The following SRGAP2C variants were observed in gnomAD, a reference collection of about 807,000 sequenced individuals.
The protein encoded by SRGAP2C is SLIT-ROBO Rho GTPase-activating protein 2C.
SRGAP2C carries 15 observed loss-of-function variants against 25.1 expected under a neutral mutation model. That is an observed-to-expected ratio of 0.60 (90% CI 0.40 to 0.92). SRGAP2C has a LOEUF of 0.92. Ranked by LOEUF, SRGAP2C falls within the 40% of genes least tolerant of loss-of-function variation. The probability of loss-of-function intolerance (pLI) is 0.00; values close to 1 mark genes in which losing one functional copy is unlikely to be tolerated. For missense variants in SRGAP2C, 144 were observed against 264.4 expected, an observed-to-expected ratio of 0.54 and a Z score of 3.16; for synonymous variants, 44 against 96.6, an observed-to-expected ratio of 0.46 and a Z score of 3.19.
intron 3 of SRGAP2C, among the ~76,000 whole-genome samples, chr1:121,308,104 T>C (rs1657885500): frequency 6.8e-6 from 1 of 147,300 alleles, no homozygotes. Flanking sequence ...GCTCTGAGCA[T>C]TGTCCATTAA....
chr1:121,309,560 C>A (rs1287578810), intron 3 of SRGAP2C, among the ~76,000 whole-genome samples: 1 of 151,654 alleles, frequency 6.6e-6, no homozygotes, highest in Admixed American at 6.6e-5. Flanking sequence ...TCTCCCAATG[C>A]TATCCCTCCC....
chr1:121,383,413 C>T (rs1348492523), intron 8 of SRGAP2C, among the ~76,000 whole-genome samples: 2 of 152,022 alleles, frequency 1.3e-5, no homozygotes, highest in Non-Finnish European at 2.9e-5. Flanking sequence ...ATGCTGTGAT[C>T]TTTTGGCGTT....
chr1:121,360,835 T>A (rs587703403), intron 4 of SRGAP2C: 5 of 151,522 alleles, frequency 3.3e-5, no homozygotes, highest in Admixed American at 2.0e-4. Flanking sequence ...ATCTGTAACA[T>A]AAATTCAGTT....
rs1168458130 is a variant in SRGAP2C, at chr1:121,299,370, G to GA, written c.260+14384dup. 1.7e-4 allele frequency among the ~76,000 whole-genome samples: 24 copies of GA among 141,816 alleles called. No homozygotes were observed. The East Asian group carries it at 2.3e-3, about 14-fold the overall frequency. 93.0% of individuals were successfully genotyped at this position (141,816 alleles called of 152,430 possible). ...TGTTAACGAAAGATTTAGAGAGAAT[G>GA]AAAAAAAAAGTAGGATTTGGGTTTT... On this transcript the variant is annotated intron_variant, in intron 3 of 9. Coordinates refer to ENST00000367123, the MANE Select transcript of SRGAP2C (RefSeq NM_001329984.2).
intron 2 of SRGAP2C, among the ~76,000 whole-genome samples, chr1:121,267,369 T>G (rs4844810): frequency 6.6e-6 from 1 of 151,294 alleles, no homozygotes; most frequent in Non-Finnish European, 1.5e-5. Context: ...TTTTTGTATT[T>G]TTAGTAGAGA....
At chr1:121,351,708 A>G (rs1407305935) in intron 4 of SRGAP2C, among the ~76,000 whole-genome samples, 5 of 149,704 alleles carry the variant, frequency 3.3e-5, no homozygotes, top group Non-Finnish European at 7.4e-5. Flanking sequence ...ACAAACTTAA[A>G]CAAAGTATGG....
chr1:121,212,123 ATT>A (rs60785126), intron 2 of SRGAP2C, among the ~76,000 whole-genome samples: 2,070 of 61,922 alleles, frequency 0.033, 22 homozygotes, highest in African/African-American at 0.14. Flanking sequence ...ATGGAGCTGT[ATT>A]TTTTTTTTTT....
intron 2 of SRGAP2C, among the ~76,000 whole-genome samples, chr1:121,202,300 C>T (rs1570700739): frequency 6.6e-6 from 1 of 152,230 alleles, no homozygotes; most frequent in Non-Finnish European, 1.5e-5. Context: ...CTTATAGCTA[C>T]TGGAGTCTTC....
Position 121,376,067 on chromosome 1 carries a change from G to T in SRGAP2C, c.831+1113G>T, listed in dbSNP as rs587743618. 2.7e-3 allele frequency among the ~76,000 whole-genome samples: 246 copies of T among 91,022 alleles called. 2 individuals are homozygous for T. The highest frequency in any genetic ancestry group is 0.01 in the African/African-American group (228 of 22,068). 59.7% of individuals were successfully genotyped at this position (91,022 alleles called of 152,430 possible). ...GTTTTTCCTGCTGCTTCCCCTTACA[G>T]TTGGGTCTTACAAGCCCTCTCACCT... On this transcript the variant is annotated intron_variant, in intron 7 of 9. Coordinates refer to ENST00000367123, the MANE Select transcript of SRGAP2C (RefSeq NM_001329984.2).
chr1:121,289,247 C>T (rs1176802993), intron 3 of SRGAP2C, among the ~76,000 whole-genome samples: 1 of 149,914 alleles, frequency 6.7e-6, no homozygotes, highest in African/African-American at 2.5e-5. Context: ...TGAGCCCTGC[C>T]CCGCGGGAAG....
intron 2 of SRGAP2C, among the ~76,000 whole-genome samples, chr1:121,208,822 GA>G (rs1433505071): frequency 6.6e-6 from 1 of 152,194 alleles, no homozygotes; most frequent in African/African-American, 2.4e-5. Flanking sequence ...CGGTTAGAGA[GA>G]TTTTTTGAAA....
intron 3 of SRGAP2C, among the ~76,000 whole-genome samples, chr1:121,312,395 T>G (rs1657985414): frequency 3.0e-5 from 1 of 33,500 alleles, no homozygotes; most frequent in East Asian, 1.9e-3. Context: ...TCATTGATTT[T>G]TTGAAGGGTT....
At chr1:121,207,523 A>G (rs1655145308) in intron 2 of SRGAP2C, among the ~76,000 whole-genome samples, 2 of 152,094 alleles carry the variant, frequency 1.3e-5, no homozygotes, top group Non-Finnish European at 2.9e-5. Context: ...TCAGCAAAAC[A>G]TGACTAGGTG....
intron 4 of SRGAP2C, among the ~76,000 whole-genome samples, chr1:121,336,150 A>G (rs1471897071): frequency 6.6e-6 from 1 of 152,124 alleles, no homozygotes; most frequent in African/African-American, 2.4e-5. Context: ...TCTTCCTTAC[A>G]GTGGGCAGCA....
At chr1:121,258,106 G>GAT (rs1553332837) in intron 2 of SRGAP2C, among the ~76,000 whole-genome samples, 2 of 151,576 alleles carry the variant, frequency 1.3e-5, no homozygotes, top group Non-Finnish European at 1.5e-5. Flanking sequence ...ACCAGATACA[G>GAT]ATTAACCCGT....
Position 121,324,485 on chromosome 1 carries a change from C to T in SRGAP2C, c.268C>T (p.Gln90Ter). The T allele has an allele frequency of 1.2e-6, 2 of 1,612,972 alleles. No homozygotes were observed. The highest frequency in any genetic ancestry group is 2.2e-5 in the South Asian group (2 of 91,066). The change falls in exon 4 of 10, where the codon CAG (glutamine) becomes TAG (stop). Residue 90 changes from glutamine to a stop codon, truncating the protein, a stop_gained. Transcript: ENST00000367123. LOFTEE classifies it high-confidence loss of function. ...STKDQQFKKD[Q>*]NVLSPVNCWN... ...CTTGATGTTTCTTCACAGGAAGGAT[C>T]AGAATGTTCTCTCTCCAGTCAACTG...
chr1:121,220,901 G>GT (rs1333249825), intron 2 of SRGAP2C, among the ~76,000 whole-genome samples: 2 of 50,072 alleles, frequency 4.0e-5, no homozygotes, highest in Non-Finnish European at 7.0e-5. Flanking sequence ...GAAGTTAAAA[G>GT]TTTTTTTTCT....
intron 7 of SRGAP2C, among the ~76,000 whole-genome samples, chr1:121,382,134 G>C (rs1450933583): frequency 6.6e-6 from 1 of 151,246 alleles, no homozygotes; most frequent in Non-Finnish European, 1.5e-5. Context: ...CTGCAGCTAA[G>C]GCCTGTCCTA....
At chr1:121,314,876 C>T (rs1558115092) in intron 3 of SRGAP2C, 1 of 585,670 alleles carries the variant, frequency 1.7e-6, no homozygotes, top group Admixed American at 2.4e-5. Flanking sequence ...GTCGCTCACG[C>T]TGGGAGCTGT....
Sources: allele counts gnomAD v4.1 joint callset (sites outside exome capture counted in the v4.1 genomes callset), GRCh38; gene constraint gnomAD v4.1.1; transcripts MANE v1.5; gene names NCBI Gene and HGNC (gene_info 2026-07-23, HGNC 2026-07-21).